The following KIF18B variants were observed in gnomAD, a reference collection of about 807,000 sequenced individuals.
KIF18B encodes the protein kinesin-like protein KIF18B.
A neutral mutation model predicts 80.9 loss-of-function variants in KIF18B; 49 were observed. The ratio of observed to expected loss-of-function variants is 0.61; its 90% CI spans 0.48 to 0.77. KIF18B has a LOEUF of 0.77. Among genes scored for constraint, KIF18B ranks in the 30% least tolerant of loss-of-function variants. The probability of loss-of-function intolerance (pLI) is 0.00; values close to 1 mark genes in which losing one functional copy is unlikely to be tolerated. For synonymous variants in KIF18B, 439 were observed against 463.9 expected (o/e 0.95, Z 0.69); for missense variants, 994 against 1,127.7 (o/e 0.88, Z 1.70).
At chr17:44,930,979 C>T (rs970703264) in intron 11 of KIF18B, among the ~76,000 whole-genome samples, 1 of 152,120 alleles carries the variant, frequency 6.6e-6, no homozygotes, top group African/African-American at 2.4e-5. Context: ...AAATACACTG[C>T]CTAGCATGAA....
intron 1 of KIF18B, among the ~76,000 whole-genome samples, chr17:44,941,183 G>A (rs1453591885): frequency 6.6e-6 from 1 of 152,060 alleles, no homozygotes; most frequent in Non-Finnish European, 1.5e-5. Flanking sequence ...TACACATCGG[G>A]CTATACTGCC....
At chr17:44,935,734 A>C (rs1273274845) in intron 2 of KIF18B, among the ~76,000 whole-genome samples, 1 of 152,084 alleles carries the variant, frequency 6.6e-6, no homozygotes, top group Non-Finnish European at 1.5e-5. Context: ...TTATCCCCAC[A>C]CACTGTGGGT....
At chr17:44,936,749 C>T (rs2052320894) in intron 1 of KIF18B, among the ~76,000 whole-genome samples, 1 of 148,042 alleles carries the variant, frequency 6.8e-6, no homozygotes, top group African/African-American at 2.5e-5. Flanking sequence ...AAGCGATTCC[C>T]CTGCCTCAGC....
chr17:44,936,598 C>CTATATATATATATA (rs1218900628), intron 1 of KIF18B, among the ~76,000 whole-genome samples: 1 of 27,852 alleles, frequency 3.6e-5, no homozygotes, highest in African/African-American at 1.2e-4. Flanking sequence ...CTCTCTCTCT[C>CTATATATATATATA]TATATATATA....
In KIF18B at chr17:44,925,780, CAAAACAAAA is replaced by C; in HGVS notation, c.*291_*299del. 1 of 397,766 alleles carries C rather than the reference CAAAACAAAA, an allele frequency of 2.5e-6. No homozygotes were observed. The highest frequency in any genetic ancestry group is 4.6e-6 in the Non-Finnish European group (1 of 217,724). The allele number at this position is 397,766 out of a possible 1,614,324, so 24.6% of individuals were successfully genotyped here. On this transcript the variant is annotated 3_prime_UTR_variant, in exon 16 of 16. Coordinates refer to ENST00000593135, the MANE Select transcript of KIF18B (RefSeq NM_001265577.2). The stretch of plus-strand genomic sequence containing the variant: ...TGGGCGACAGAGTAAGACTCCATCT[CAAAACAAAA>C]AAAACAAAAAACAAAAACCACCAAA...
rs967641099 is a variant in KIF18B, at chr17:44,947,753, C to T, written c.-140G>A. ...CTCCCCTACCCGCGCCAACCTCCAC[C>T]CGGCGCCTTGCGTTCAAATTAGCCG... On this transcript the variant is annotated 5_prime_UTR_variant, in exon 1 of 16. Coordinates refer to ENST00000593135, the MANE Select transcript of KIF18B (RefSeq NM_001265577.2). 6.6e-6 allele frequency: 1 copy of T among 152,310 alleles called. No individual in the cohort carries two copies. The highest frequency in any genetic ancestry group is 2.4e-5 in the African/African-American group (1 of 41,466). The allele number at this position is 152,310 out of a possible 1,614,324, so 9.4% of individuals were successfully genotyped here. A position where few individuals can be genotyped will look rare whatever the true frequency, so the allele number is the denominator to read the frequency against.
At chr17:44,944,857 A>G (rs952268656) in intron 1 of KIF18B, among the ~76,000 whole-genome samples, 1 of 152,312 alleles carries the variant, frequency 6.6e-6, no homozygotes, top group East Asian at 1.9e-4. Context: ...GTCAAAAAGA[A>G]TGTTCCATTG....
At chr17:44,944,611 T>C (rs962096406) in intron 1 of KIF18B, among the ~76,000 whole-genome samples, 7 of 152,204 alleles carry the variant, frequency 4.6e-5, no homozygotes, top group Admixed American at 6.5e-5. Flanking sequence ...GTTTTCTCTT[T>C]TTTATAGGGA....
intron 1 of KIF18B, among the ~76,000 whole-genome samples, chr17:44,941,527 T>C (rs2052418098): frequency 6.6e-6 from 1 of 151,906 alleles, no homozygotes; most frequent in Non-Finnish European, 1.5e-5. Context: ...TTAGTAGAGA[T>C]GAGGTTTCAC....
At position 44,932,629 on chromosome 17, in the gene KIF18B, G is replaced by A. The variant is rs778988336; in HGVS notation, c.1238+44C>T. 3 of 1,036,058 alleles carry A rather than the reference G, an allele frequency of 2.9e-6. No individual in the cohort carries two copies. In the Admixed American group the frequency reaches 5.1e-5, roughly 18 times the overall value. 64.2% of individuals were successfully genotyped at this position (1,036,058 alleles called of 1,614,324 possible). On this transcript the variant is annotated intron_variant, in intron 9 of 15. Transcript: ENST00000593135. Reference sequence around the variant, plus strand: ...AGAAGAGGGCCTGGCTCCCCATCCTGGCTGAGCTGCAGGGTGGGGGCGGGA... The same window carrying A: ...AGAAGAGGGCCTGGCTCCCCATCCTAGCTGAGCTGCAGGGTGGGGGCGGGA...
At chr17:44,939,623 A>G (rs1048232025) in intron 1 of KIF18B, among the ~76,000 whole-genome samples, 9 of 152,098 alleles carry the variant, frequency 5.9e-5, no homozygotes, top group Non-Finnish European at 1.3e-4. Context: ...ATAGATTAAT[A>G]TGAGGAAAAT....
At chr17:44,944,422 T>C (rs1167739090) in intron 1 of KIF18B, among the ~76,000 whole-genome samples, 1 of 152,116 alleles carries the variant, frequency 6.6e-6, no homozygotes, top group Non-Finnish European at 1.5e-5. Context: ...TTTGTATTTT[T>C]AGTAGAGATG....
In KIF18B at chr17:44,935,372, G is replaced by T; in HGVS notation, c.358C>A (p.Leu120Met). Residue 120 changes from leucine (L) to methionine (M), a missense_variant, in exon 3 of 16, where the codon CTG becomes ATG. Leu to Met is a conservative substitution (Grantham distance 15, BLOSUM62 2). Coordinates refer to ENST00000593135, the MANE Select transcript of KIF18B (RefSeq NM_001265577.2). ...ATGCCGGGGTCCCCCTCCCTTCCCA[G>T]CATGGTGTGTGTCTTCCCAGCCCCG... ...ATGAGKTHTM[L>M]GREGDPGIMY... 1 of 1,613,184 alleles carries T rather than the reference G, an allele frequency of 6.2e-7. No individual in the cohort carries two copies. The highest frequency in any genetic ancestry group is 8.5e-7 in the Non-Finnish European group (1 of 1,179,446).
Position 44,928,041 on chromosome 17 carries a change from TG to T in KIF18B, c.2260del (p.Gln754SerfsTer14). ...GGAGACCCACCTGGGGATGAAGGGCTGGTCCAGCCTGCTCAGCTCCTGGGGT... is the reference window on the plus strand; with the variant it reads ...GGAGACCCACCTGGGGATGAAGGGCTGTCCAGCCTGCTCAGCTCCTGGGGT... ...KIPQELSRLD[Q>X]PFIPRAPVPL... is the part of the protein sequence containing the mutation. On this transcript the variant is annotated frameshift_variant, in exon 13 of 16. Transcript: ENST00000593135. LOFTEE classifies it high-confidence loss of function. 6.6e-7 allele frequency: 1 copy of T among 1,516,658 alleles called. No individual in the cohort carries two copies. The highest frequency in any genetic ancestry group is 8.8e-7 in the Non-Finnish European group (1 of 1,132,914). The allele number at this position is 1,516,658 out of a possible 1,614,324, so 94.0% of individuals were successfully genotyped here.
At chr17:44,944,596 AAT>A in intron 1 of KIF18B, among the ~76,000 whole-genome samples, 1 of 152,298 alleles carries the variant, frequency 6.6e-6, no homozygotes, top group South Asian at 2.1e-4. Context: ...AAATAGACCC[AAT>A]ATGTTTTCTC....
Position 44,934,187 on chromosome 17 carries a change from T to C in KIF18B, c.885+46A>G, listed in dbSNP as rs751249358. ...TGTGGCCTTTGGCCCTGGGTTCAGG[T>C]GCTCAGTTGCTATCCTGGGGAGAAT... On this transcript the variant is annotated intron_variant, in intron 6 of 15. Transcript: ENST00000593135. The surrounding 1 kb of genome is among the most constrained non-coding windows in gnomAD (Gnocchi z 5.4). The C allele has an allele frequency of 6.3e-7, 1 of 1,594,030 alleles. No individual in the cohort carries two copies. The highest frequency in any genetic ancestry group is 8.6e-7 in the Non-Finnish European group (1 of 1,168,962).
At chr17:44,931,916 A>G (rs2052157999) in intron 10 of KIF18B, 140 bp downstream of exon 10, 1 of 1,193,590 alleles carries the variant, frequency 8.4e-7, no homozygotes, top group Non-Finnish European at 1.2e-6. Flanking sequence ...AGAATCTGAA[A>G]TCCTCCTAAT....
chr17:44,928,573 C>G lies in KIF18B; in HGVS notation c.1729G>C (p.Val577Leu), dbSNP rs755571528. ...GGCTCTGGGCAGAGAGGAGACGGCACAGGGACTGCACAGAAGGAAGGAGAG... is the reference window on the plus strand; with the variant it reads ...GGCTCTGGGCAGAGAGGAGACGGCAGAGGGACTGCACAGAAGGAAGGAGAG... ...AQELCSESIP[V>L]PSPLCPEPPG... The change falls in exon 13 of 16, where the codon GTG (valine) becomes CTG (leucine). Residue 577 changes from valine (V) to leucine (L), a missense_variant. Physicochemically the swap from Val to Leu is conservative, Grantham distance 32 (BLOSUM62 1). Coordinates refer to ENST00000593135, the MANE Select transcript of KIF18B (RefSeq NM_001265577.2). The G allele has an allele frequency of 4.5e-5, 65 of 1,450,006 alleles. No individual in the cohort carries two copies. The highest frequency in any genetic ancestry group is 1.7e-4 in the Admixed American group (6 of 35,580). The allele number at this position is 1,450,006 out of a possible 1,614,324, so 89.8% of individuals were successfully genotyped here. A position where few individuals can be genotyped will look rare whatever the true frequency, so the allele number is the denominator to read the frequency against.
At chr17:44,943,416 A>G (rs78652172) in intron 1 of KIF18B, among the ~76,000 whole-genome samples, 4,352 of 152,134 alleles carry the variant, frequency 0.029, 111 homozygotes, top group Non-Finnish European at 0.048. Flanking sequence ...GTTTTTTTAA[A>G]TAGACAATCA....
Sources: allele counts gnomAD v4.1 joint callset (sites outside exome capture counted in the v4.1 genomes callset), GRCh38; gene constraint gnomAD v4.1.1; non-coding constraint Gnocchi (gnomAD v3.1); transcripts MANE v1.5; gene names NCBI Gene and HGNC (gene_info 2026-07-23, HGNC 2026-07-21).